The following KCNIP4 variants were observed in gnomAD, a reference collection of about 807,000 sequenced individuals.
KCNIP4 encodes Kv channel-interacting protein 4.
KCNIP4 carries 12 observed loss-of-function variants against 34.0 expected under a neutral mutation model. The ratio of observed to expected loss-of-function variants is 0.35; its 90% CI spans 0.23 to 0.57. The LOEUF (loss-of-function observed/expected upper bound fraction) is 0.57. KCNIP4 is among the 20% of genes least tolerant of loss of function. KCNIP4 has a pLI of 0.83. For synonymous variants in KCNIP4, 124 were observed against 102.2 expected, an observed-to-expected ratio of 1.21 and a Z score of -1.29; for missense variants, 238 against 311.7, an observed-to-expected ratio of 0.76 and a Z score of 1.78.
Position 20,755,777 on chromosome 4 carries a change from T to C in KCNIP4, c.358+3044A>G, listed in dbSNP as rs181711243. ...AGGTGATGAGATATTGAGATAGATATTTGGGAGAAGATAATTTCAGGCAGA... is the reference window on the plus strand; with the variant it reads ...AGGTGATGAGATATTGAGATAGATACTTGGGAGAAGATAATTTCAGGCAGA... On this transcript the variant is annotated intron_variant, in intron 4 of 8. Coordinates refer to ENST00000382152, the MANE Select transcript of KCNIP4 (RefSeq NM_025221.6). Among the ~76,000 whole-genome samples the C allele has an allele frequency of 2.5e-3, 373 of 152,118 alleles. 1 individual carries two copies. The highest frequency in any genetic ancestry group is 8.5e-3 in the African/African-American group (351 of 41,496).
intron 1 of KCNIP4, among the ~76,000 whole-genome samples, chr4:21,171,208 A>C (rs1753999787): frequency 6.6e-6 from 1 of 152,234 alleles, no homozygotes; most frequent in Non-Finnish European, 1.5e-5. Flanking sequence ...AAAGTGAGCT[A>C]TATTAAAACT....
chr4:21,671,623 C>T (rs961298055), intron 1 of KCNIP4, among the ~76,000 whole-genome samples: 3 of 152,138 alleles, frequency 2.0e-5, no homozygotes, highest in Admixed American at 1.3e-4. Context: ...TCATTTTCCT[C>T]TTGCTGTTAA....
At chr4:21,355,799 T>C (rs1013957162) in intron 1 of KCNIP4, among the ~76,000 whole-genome samples, 3 of 152,186 alleles carry the variant, frequency 2.0e-5, no homozygotes, top group African/African-American at 7.2e-5. Context: ...CTAACTCATT[T>C]TAGGAGGCCA....
intron 1 of KCNIP4, among the ~76,000 whole-genome samples, chr4:21,565,586 T>C (rs891150642): frequency 2.6e-5 from 4 of 152,176 alleles, no homozygotes; most frequent in African/African-American, 9.7e-5. Flanking sequence ...CGGCTATTCA[T>C]GTTTTACATC....
At chr4:21,861,989 C>G (rs963039747) in intron 1 of KCNIP4, among the ~76,000 whole-genome samples, 2 of 152,188 alleles carry the variant, frequency 1.3e-5, no homozygotes, top group African/African-American at 4.8e-5. Flanking sequence ...CCTTAAACAT[C>G]TTGCTGCTCC....
At chr4:21,192,043 A>G (rs1755685070) in intron 1 of KCNIP4, among the ~76,000 whole-genome samples, 1 of 152,196 alleles carries the variant, frequency 6.6e-6, no homozygotes, top group Non-Finnish European at 1.5e-5. Context: ...ATTGATTTTG[A>G]ATCCTTTCCT....
intron 1 of KCNIP4, among the ~76,000 whole-genome samples, chr4:21,166,077 A>C (rs1428316917): frequency 6.6e-6 from 1 of 152,198 alleles, no homozygotes; most frequent in Non-Finnish European, 1.5e-5. Context: ...TTCAACCTCC[A>C]GAACTGTGAG....
At chr4:21,599,068 T>C (rs1485334132) in intron 1 of KCNIP4, among the ~76,000 whole-genome samples, 1 of 152,084 alleles carries the variant, frequency 6.6e-6, no homozygotes, top group Non-Finnish European at 1.5e-5. Flanking sequence ...ATTCGTCAGA[T>C]CTTGATTTGA....
chr4:21,126,398 G>T (rs1194959832), intron 1 of KCNIP4, among the ~76,000 whole-genome samples: 2 of 152,064 alleles, frequency 1.3e-5, no homozygotes, highest in Non-Finnish European at 2.9e-5. Flanking sequence ...TCTTTTGGTA[G>T]TGAGAGCGAC....
intron 1 of KCNIP4, among the ~76,000 whole-genome samples, chr4:21,604,111 T>C (rs1332342364): frequency 6.6e-6 from 1 of 152,092 alleles, no homozygotes; most frequent in Non-Finnish European, 1.5e-5. Flanking sequence ...AGTTAGAGAG[T>C]TACCTCAAAA....
intron 1 of KCNIP4, among the ~76,000 whole-genome samples, chr4:21,102,035 G>T (rs1451199379): frequency 6.6e-6 from 1 of 152,122 alleles, no homozygotes; most frequent in African/African-American, 2.4e-5. Context: ...AATGAGCCTG[G>T]TGATTCACCC....
chr4:21,651,038 A>ATCT (rs1747444378), intron 1 of KCNIP4, among the ~76,000 whole-genome samples: 1 of 152,188 alleles, frequency 6.6e-6, no homozygotes, highest in South Asian at 2.1e-4. Context: ...GTTACCATAA[A>ATCT]GAGCCTTGCC....
rs147154149 is a variant in KCNIP4, at chr4:21,086,303, C to G, written c.62-203594G>C. 5.3e-3 allele frequency among the ~76,000 whole-genome samples: 808 copies of G among 152,322 alleles called. 7 individuals carry two copies. The highest frequency in any genetic ancestry group is 0.019 in the African/African-American group (770 of 41,570). ...TTACTTTCACTGCACTCTAGTTCCA[C>G]TTCCTGTCAGACTCTATTGCAATTA... On this transcript the variant is annotated intron_variant, in intron 1 of 8. Transcript: ENST00000382152.
intron 1 of KCNIP4, among the ~76,000 whole-genome samples, chr4:21,575,102 C>T (rs1340211956): frequency 6.6e-6 from 1 of 152,170 alleles, no homozygotes; most frequent in Non-Finnish European, 1.5e-5. Flanking sequence ...AACTTGTAAA[C>T]ACTTATGCTG....
intron 1 of KCNIP4, among the ~76,000 whole-genome samples, chr4:20,912,830 G>C (rs908498850): frequency 1.3e-5 from 2 of 152,036 alleles, no homozygotes; most frequent in South Asian, 2.1e-4. Context: ...AATCACAAGA[G>C]ACCATTTTAT....
chr4:21,111,099 C>T (rs1749125565), intron 1 of KCNIP4, among the ~76,000 whole-genome samples: 1 of 152,086 alleles, frequency 6.6e-6, no homozygotes, highest in Non-Finnish European at 1.5e-5. Flanking sequence ...GAGGTCTGTG[C>T]TTCATTGAAG....
intron 2 of KCNIP4, among the ~76,000 whole-genome samples, chr4:20,879,101 A>G (rs898499372): frequency 6.6e-6 from 1 of 152,106 alleles, no homozygotes; most frequent in African/African-American, 2.4e-5. Context: ...GCATCCTGGG[A>G]TGGAGGTTCA....
chr4:21,823,802 A>C (rs1205124344), intron 1 of KCNIP4, among the ~76,000 whole-genome samples: 1 of 152,180 alleles, frequency 6.6e-6, no homozygotes, highest in East Asian at 1.9e-4. Context: ...ACTTTTATGA[A>C]TCCCTCTTGG....
At position 20,749,196 on chromosome 4, in the gene KCNIP4, AG is replaced by A. The variant is rs535746263; in HGVS notation, c.429+465del. On this transcript the variant is annotated intron_variant, in intron 5 of 8. Transcript: ENST00000382152. The stretch of plus-strand genomic sequence containing the variant: ...AATACGTTCTCTACAGATCACTTAA[AG>A]TTTGTAATTTAAAAAGAGATTTCCT... Among the ~76,000 whole-genome samples the A allele has an allele frequency of 4.2e-3, 591 of 139,366 alleles. 6 individuals are homozygous for A. Among genetic ancestry groups the A allele is most frequent in the African/African-American group, 0.014 (554 of 38,702 alleles). 91.4% of individuals were successfully genotyped at this position (139,366 alleles called of 152,430 possible). A position where few individuals can be genotyped will look rare whatever the true frequency, so the allele number is the denominator to read the frequency against.
Sources: allele counts gnomAD v4.1 joint callset (sites outside exome capture counted in the v4.1 genomes callset), GRCh38; gene constraint gnomAD v4.1.1; transcripts MANE v1.5; gene names NCBI Gene and HGNC (gene_info 2026-07-23, HGNC 2026-07-21).